Variants in PCOLCE2 observed in about 807,000 individuals in gnomAD.
PCOLCE2 encodes procollagen C-endopeptidase enhancer 2, also known as procollagen C-proteinase enhancer 2.
Under a neutral mutation model 47.0 loss-of-function variants are expected in PCOLCE2, and 42 were observed. The ratio of observed to expected loss-of-function variants is 0.89; its 90% CI spans 0.70 to 1.16. PCOLCE2 has a LOEUF of 1.16. Among genes scored for constraint, PCOLCE2 ranks in the 50% most tolerant of loss-of-function variants. The pLI, the probability that PCOLCE2 is intolerant of heterozygous loss-of-function variation, is 0.00. For missense variants in PCOLCE2, 500 were observed against 526.1 expected (o/e 0.95, Z 0.49); for synonymous variants, 169 against 191.7 (o/e 0.88, Z 0.98).
intron 2 of PCOLCE2, among the ~76,000 whole-genome samples, chr3:142,863,724 C>T (rs995724739): frequency 2.0e-5 from 3 of 152,242 alleles, no homozygotes; most frequent in Middle Eastern, 6.8e-3. Flanking sequence ...ATTTCCACAC[C>T]GTGTGCCCAA....
rs541090478 is a variant in PCOLCE2, at chr3:142,870,488, C to T, written c.192+17181G>A. On this transcript the variant is annotated intron_variant, in intron 2 of 8. Transcript: ENST00000295992. ...CTGAAGAGTGAAGAAAAACATCAAG[C>T]GTTAGGAAGACTCCAAACTCTCAGC... is the stretch of plus-strand genomic sequence containing the variant. Among the ~76,000 whole-genome samples the T allele has an allele frequency of 9.9e-5, 15 of 152,224 alleles. No homozygotes were observed. In the South Asian group the frequency reaches 1.7e-3, roughly 17 times the overall value.
intron 5 of PCOLCE2, among the ~76,000 whole-genome samples, chr3:142,832,303 G>C (rs995559433): frequency 5.3e-5 from 8 of 152,120 alleles, no homozygotes; most frequent in African/African-American, 1.9e-4. Flanking sequence ...GGGTTCTAGA[G>C]CCTCTGGTCC....
At chr3:142,826,135 G>C (rs1937074132) in intron 6 of PCOLCE2, among the ~76,000 whole-genome samples, 1 of 151,986 alleles carries the variant, frequency 6.6e-6, no homozygotes, top group African/African-American at 2.4e-5. Flanking sequence ...CTCCCGAGTA[G>C]CTGGGACTAC....
At chr3:142,861,298 T>C (rs1440026521) in intron 2 of PCOLCE2, among the ~76,000 whole-genome samples, 1 of 152,246 alleles carries the variant, frequency 6.6e-6, no homozygotes, top group African/African-American at 2.4e-5. Flanking sequence ...TTTATCTTTC[T>C]TCATTCATTT....
chr3:142,818,496 T>C, intron 8 of PCOLCE2, 31 bp from the exon 9 acceptor site: 1 of 1,545,394 alleles, frequency 6.5e-7, no homozygotes, highest in Non-Finnish European at 8.9e-7. Flanking sequence ...AATTAATCTT[T>C]TTCTCTATGT....
chr3:142,825,734 T>G (rs557830795), intron 6 of PCOLCE2, among the ~76,000 whole-genome samples: 29 of 152,286 alleles, frequency 1.9e-4, no homozygotes, highest in Admixed American at 1.4e-3. Flanking sequence ...AGCAATTCTA[T>G]TTCATTTCCA....
intron 3 of PCOLCE2, among the ~76,000 whole-genome samples, chr3:142,844,522 A>G (rs910779523): frequency 6.6e-6 from 1 of 152,220 alleles, no homozygotes; most frequent in African/African-American, 2.4e-5. Flanking sequence ...TCTCTCGAGT[A>G]TGAACACTTC....
chr3:142,888,975 A>G lies in PCOLCE2; in HGVS notation c.-79T>C. On this transcript the variant is annotated 5_prime_UTR_variant, in exon 1 of 9. Coordinates refer to ENST00000295992, the MANE Select transcript of PCOLCE2 (RefSeq NM_013363.4). ...GCCCCTCCGCACCCACCGCGCTCAC[A>G]CCGCCGCTCACACTGGCAGCAGCGC... 2.5e-6 allele frequency: 1 copy of G among 396,308 alleles called. No homozygotes were observed. The highest frequency in any genetic ancestry group is 4.2e-6 in the Non-Finnish European group (1 of 237,764). 24.5% of individuals were successfully genotyped at this position (396,308 alleles called of 1,614,324 possible).
intron 6 of PCOLCE2, 89 bp downstream of exon 6, chr3:142,829,603 G>A: frequency 2.1e-6 from 2 of 955,008 alleles, no homozygotes; most frequent in South Asian, 2.3e-5. Context: ...TTAATTTCAA[G>A]TATCTTCCTC....
At chr3:142,886,879 T>TA (rs1260501184) in intron 2 of PCOLCE2, among the ~76,000 whole-genome samples, 4 of 152,288 alleles carry the variant, frequency 2.6e-5, no homozygotes, top group East Asian at 1.9e-4. Context: ...GGCTACTTTT[T>TA]AAAAAATCTA....
At chr3:142,864,750 G>T (rs1433105767) in intron 2 of PCOLCE2, among the ~76,000 whole-genome samples, 2 of 152,144 alleles carry the variant, frequency 1.3e-5, no homozygotes, top group African/African-American at 2.4e-5. Flanking sequence ...TCATATGAAT[G>T]GAATCAAACA....
At chr3:142,862,687 A>G (rs954818373) in intron 2 of PCOLCE2, among the ~76,000 whole-genome samples, 1 of 152,204 alleles carries the variant, frequency 6.6e-6, no homozygotes, top group African/African-American at 2.4e-5. Context: ...AAAATAATGT[A>G]TAAGAGTATA....
chr3:142,839,249 T>A (rs1001690981), intron 4 of PCOLCE2, among the ~76,000 whole-genome samples: 6 of 152,226 alleles, frequency 3.9e-5, no homozygotes, highest in African/African-American at 1.4e-4. Context: ...TTTGGAGATC[T>A]ATTGTACAGC....
intron 2 of PCOLCE2, among the ~76,000 whole-genome samples, chr3:142,856,892 C>CTT (rs34805543): frequency 2.3e-5 from 3 of 131,566 alleles, no homozygotes; most frequent in Admixed American, 7.7e-5. Flanking sequence ...TAAACAGGAG[C>CTT]TTTTTTTTTT....
intron 2 of PCOLCE2, chr3:142,864,389 G>A (rs1933241588): frequency 1.3e-5 from 2 of 152,044 alleles, no homozygotes; most frequent in African/African-American, 4.8e-5. Flanking sequence ...TTTCTCACTT[G>A]GCCACAAGTT....
At chr3:142,845,008 T>C (rs1382971608) in intron 3 of PCOLCE2, among the ~76,000 whole-genome samples, 2 of 152,198 alleles carry the variant, frequency 1.3e-5, no homozygotes, top group African/African-American at 4.8e-5. Flanking sequence ...ACAATAACTG[T>C]CTTCTAATCA....
chr3:142,841,047 C>T (rs893718700), intron 4 of PCOLCE2, among the ~76,000 whole-genome samples: 2 of 148,514 alleles, frequency 1.3e-5, no homozygotes, highest in African/African-American at 5.0e-5. Context: ...TGCACTCCAG[C>T]CTAGGTGACA....
chr3:142,841,000 G>A lies in PCOLCE2; in HGVS notation c.573+1924C>T, dbSNP rs147376632. ...TGAGGCAGGAGAATGGACCGAACCC[G>A]GGAGGTGGAAGTTGCAGTGAGCCGA... On this transcript the variant is annotated intron_variant, in intron 4 of 8. Coordinates refer to ENST00000295992, the MANE Select transcript of PCOLCE2 (RefSeq NM_013363.4). 1.3e-4 allele frequency among the ~76,000 whole-genome samples: 20 copies of A among 151,838 alleles called. No individual in the cohort carries two copies. In the East Asian group the frequency reaches 1.5e-3, roughly 12 times the overall value.
intron 2 of PCOLCE2, among the ~76,000 whole-genome samples, chr3:142,886,132 C>T (rs1279887972): frequency 6.6e-6 from 1 of 152,188 alleles, no homozygotes; most frequent in Admixed American, 6.5e-5. Flanking sequence ...CCAGATGGAG[C>T]ATCCATTTAA....
Sources: gnomAD v4.1 joint callset for allele counts (sites outside exome capture counted in the v4.1 genomes callset) on GRCh38, gnomAD v4.1.1 for gene constraint, MANE v1.5 for transcripts, NCBI Gene and HGNC (gene_info 2026-07-23, HGNC 2026-07-21) for gene names.